Variants in SASH1 observed in about 807,000 individuals in gnomAD.
SASH1 encodes SAM and SH3 domain-containing protein 1.
Under a neutral mutation model 125.2 loss-of-function variants are expected in SASH1, and 44 were observed. The ratio of observed to expected loss-of-function variants is 0.35; its 90% confidence interval spans 0.28 to 0.45. SASH1 has a LOEUF of 0.45. Among genes scored for constraint, SASH1 ranks in the 20% least tolerant of loss-of-function variants. The pLI is 1.00. For missense variants in SASH1, 1,426 were observed against 1,614.5 expected (o/e 0.88, Z 2.00); for synonymous variants, 639 against 649.1 (o/e 0.98, Z 0.24).
chr6:148,228,937 A>C, the SASH1 span, among the ~76,000 whole-genome samples: 1 of 152,048 alleles, frequency 6.6e-6, no homozygotes, highest in Non-Finnish European at 1.5e-5. Flanking sequence ...AGAGTTCAAG[A>C]CCAGCCTGGG....
intron 10 of SASH1, among the ~76,000 whole-genome samples, chr6:148,524,121 A>ATATATATATATATATATATATATATATT (rs1193506716): frequency 7.8e-6 from 1 of 128,610 alleles, no homozygotes; most frequent in Non-Finnish European, 1.6e-5. Flanking sequence ...ATATATATAT[A>ATATATATATATATATATATATATATATT]TTTTTTTTAA....
intron 1 of SASH1, among the ~76,000 whole-genome samples, chr6:148,382,747 G>A (rs950093159): frequency 6.6e-6 from 1 of 152,124 alleles, no homozygotes; most frequent in Non-Finnish European, 1.5e-5. Context: ...CCACCTGTGC[G>A]CAATAGCATC....
intron 17 of SASH1, among the ~76,000 whole-genome samples, chr6:148,542,867 TGTGTGTGTGTGTGC>T (rs1430800346): frequency 6.6e-6 from 1 of 151,354 alleles, no homozygotes; most frequent in Non-Finnish European, 1.5e-5. Context: ...TGTGTGTGTG[TGTGTGTGTGTGTGC>T]GCGCGCACAT....
intron 19 of SASH1, 113 bp downstream of exon 19, chr6:148,546,259 G>A (rs1782562308): frequency 1.6e-6 from 2 of 1,229,108 alleles, no homozygotes; most frequent in South Asian, 3.1e-5. Context: ...ATGGAAAGGA[G>A]ACAGCTGGGG....
At chr6:148,341,678 A>AAAAC (rs555561517), upstream of SASH1, among the ~76,000 whole-genome samples, 5 of 152,100 alleles carry the variant, frequency 3.3e-5, no homozygotes, top group Admixed American at 6.5e-5. Context: ...AAAACAAAAC[A>AAAAC]AAACAAACAA....
Position 148,519,847 on chromosome 6 carries a change from T to C in SASH1, c.1163T>C (p.Leu388Pro). The change falls in exon 10 of 20, where the codon CTC becomes CCC. Residue 388 changes from leucine to proline, a missense_variant. Transcript: ENST00000367467. The surrounding 1 kb of genome is among the most constrained non-coding windows in gnomAD (Gnocchi z 4.8). ...EEKAQKVSRS[L>P]TEGEMKKGLG... ...AAGGCCCAGAAAGTGTCCCGCTCCC[T>C]CACCGAGGGGGAGATGAAGAAGGGT... 1.2e-6 allele frequency: 2 copies of C among 1,605,304 alleles called. No homozygotes were observed. The highest frequency in any genetic ancestry group is 1.7e-5 in the Admixed American group (1 of 58,886).
At position 148,474,094 on chromosome 6, in the gene SASH1, T is replaced by C; in HGVS notation, c.515-16T>C. The C allele has an allele frequency of 6.4e-7, 1 of 1,553,426 alleles. No homozygotes were observed. Among genetic ancestry groups the C allele is most frequent in the Admixed American group, 1.7e-5 (1 of 58,816 alleles). On this transcript the variant is annotated splice_polypyrimidine_tract_variant and intron_variant, in intron 6 of 19. Coordinates refer to ENST00000367467, the MANE Select transcript of SASH1 (RefSeq NM_015278.5). Reference sequence around the variant, plus strand: ...TCTTGTTTTCACTCCTGTTGTTCTTTGTCCTCAATCTCCAGGAGAAGACGT... The same window carrying C: ...TCTTGTTTTCACTCCTGTTGTTCTTCGTCCTCAATCTCCAGGAGAAGACGT...
the SASH1 span, among the ~76,000 whole-genome samples, chr6:148,206,860 A>G: frequency 1.3e-5 from 2 of 151,882 alleles, no homozygotes; most frequent in African/African-American, 4.8e-5. Flanking sequence ...ATGCATTAAA[A>G]AACATTCAGC....
intron 1 of SASH1, among the ~76,000 whole-genome samples, chr6:148,284,172 C>A (rs1430580223): frequency 6.6e-6 from 1 of 152,040 alleles, no homozygotes; most frequent in Non-Finnish European, 1.5e-5. Context: ...AGCATGTTGG[C>A]GCACGCCTGT....
At chr6:148,224,173 A>G in the SASH1 span, among the ~76,000 whole-genome samples, 2 of 152,110 alleles carry the variant, frequency 1.3e-5, no homozygotes, top group African/African-American at 2.4e-5. Context: ...TCTCACACCT[A>G]TAATTCCAAT....
At chr6:148,470,228 C>T (rs1435566333) in intron 5 of SASH1, among the ~76,000 whole-genome samples, 2 of 152,116 alleles carry the variant, frequency 1.3e-5, no homozygotes, top group Admixed American at 6.6e-5. Flanking sequence ...CGGAAAGGCT[C>T]GGGTTTCATT....
rs1391468335 is a variant in SASH1, at chr6:148,453,972, C to T, written c.386+13565C>T. ...TGCTGGCTGCACAGGCCAGGTGAGG[C>T]TGTTCCTTCTGTGTCAGGTGGTACA... On this transcript the variant is annotated intron_variant, in intron 4 of 19. Coordinates refer to ENST00000367467, the MANE Select transcript of SASH1 (RefSeq NM_015278.5). 2.0e-5 allele frequency among the ~76,000 whole-genome samples: 3 copies of T among 152,200 alleles called. No homozygotes were observed. In the East Asian group the frequency reaches 5.8e-4, roughly 29 times the overall value.
At chr6:148,456,227 T>G (rs898824200) in intron 4 of SASH1, among the ~76,000 whole-genome samples, 6 of 152,146 alleles carry the variant, frequency 3.9e-5, no homozygotes, top group African/African-American at 1.4e-4. Flanking sequence ...GCCAGCCCCC[T>G]GCTGCCTCAC....
At chr6:148,439,911 C>T (rs191698134) in intron 2 of SASH1, among the ~76,000 whole-genome samples, 1 of 152,268 alleles carries the variant, frequency 6.6e-6, no homozygotes, top group Admixed American at 6.5e-5. Flanking sequence ...CTGTCAGTCC[C>T]CTTGACTGAA....
At chr6:148,262,653 G>A in the SASH1 span, among the ~76,000 whole-genome samples, 1 of 152,210 alleles carries the variant, frequency 6.6e-6, no homozygotes, top group African/African-American at 2.4e-5. Flanking sequence ...GGAGGCCGAG[G>A]CAGGCAGATC....
rs989530028 is a variant in SASH1 at position 148,549,236 on chromosome 6, C to A, written c.*678C>A. On this transcript the variant is annotated 3_prime_UTR_variant, in exon 20 of 20. Coordinates refer to ENST00000367467, the MANE Select transcript of SASH1 (RefSeq NM_015278.5). The stretch of plus-strand genomic sequence containing the variant: ...CCACATCTTCAGCTTAGGCAGACAT[C>A]GAACCTCTCTGGGATGTTTCCAGCA... 5.3e-6 allele frequency: 1 copy of A among 187,250 alleles called. No homozygotes were observed. The highest frequency in any genetic ancestry group is 6.1e-5 in the Admixed American group (1 of 16,280). 11.6% of individuals were successfully genotyped at this position (187,250 alleles called of 1,614,324 possible).
chr6:148,366,759 G>A (rs549928057), intron 1 of SASH1, among the ~76,000 whole-genome samples: 12 of 151,728 alleles, frequency 7.9e-5, no homozygotes, highest in African/African-American at 2.9e-4. Context: ...CACCAAGCCC[G>A]CGTAATTTTT....
At chr6:148,446,897 A>G (rs1776820477) in intron 4 of SASH1, among the ~76,000 whole-genome samples, 1 of 152,220 alleles carries the variant, frequency 6.6e-6, no homozygotes, top group Non-Finnish European at 1.5e-5. Flanking sequence ...AGAACCCATA[A>G]CCCTAACCAC....
At chr6:148,199,874 A>C in the SASH1 span, among the ~76,000 whole-genome samples, 1 of 152,106 alleles carries the variant, frequency 6.6e-6, no homozygotes, top group African/African-American at 2.4e-5. Flanking sequence ...AGAGAAGGCA[A>C]CCTGGAGAAA....
Sources: allele counts gnomAD v4.1 joint callset (sites outside exome capture counted in the v4.1 genomes callset), GRCh38; gene constraint gnomAD v4.1.1; non-coding constraint Gnocchi (gnomAD v3.1); transcripts MANE v1.5; gene names NCBI Gene and HGNC (gene_info 2026-07-23, HGNC 2026-07-21).